Variants in CBFA2T2 observed in about 807,000 individuals in gnomAD.
CBFA2T2 encodes CBFA2/RUNX1 partner transcriptional co-repressor 2, also known as protein CBFA2T2.
In CBFA2T2, 11 loss-of-function variants were observed where a neutral mutation model predicts 62.2. The ratio of observed to expected loss-of-function variants is 0.18; its 90% CI spans 0.11 to 0.29. The LOEUF (loss-of-function observed/expected upper bound fraction) is 0.29, where lower values mean the gene tolerates loss of function less well. Ranked by LOEUF, CBFA2T2 falls within the 10% of genes least tolerant of loss-of-function variation. The pLI, the probability that CBFA2T2 is intolerant of heterozygous loss-of-function variation, is 1.00. For missense variants in CBFA2T2, 592 were observed against 774.1 expected (o/e 0.76, Z 2.79); for synonymous variants, 295 against 287.5 (o/e 1.03, Z -0.27).
Position 33,618,952 on chromosome 20 carries a change from G to C in CBFA2T2, c.421-565G>C, listed in dbSNP as rs777194437. Reference sequence around the variant, plus strand: ...TCTGCAGCCTAGGCTGCTGGGCAAAGGGGAGAATTTGGTGGTGGTGAAGGG... The same window carrying C: ...TCTGCAGCCTAGGCTGCTGGGCAAACGGGAGAATTTGGTGGTGGTGAAGGG... On this transcript the variant is annotated intron_variant, in intron 3 of 10. Coordinates refer to ENST00000342704, the MANE Select transcript of CBFA2T2 (RefSeq NM_001032999.3). Among the ~76,000 whole-genome samples, 57 of 152,226 alleles carry C rather than the reference G, an allele frequency of 3.7e-4. 1 individual carries two copies. The highest frequency in any genetic ancestry group is 7.1e-4 in the Non-Finnish European group (48 of 68,036).
In CBFA2T2 at chr20:33,616,098, T is replaced by C. The variant is rs1568854545; in HGVS notation, c.421-3419T>C. Among the ~76,000 whole-genome samples, 9 of 144,564 alleles carry C rather than the reference T, an allele frequency of 6.2e-5. No homozygotes were observed. The Admixed American group carries it at 7.8e-4, about 13-fold the overall frequency. The allele number at this position is 144,564 out of a possible 152,430, so 94.8% of individuals were successfully genotyped here. ...AGATAGAGATAGATAGATAGATAGA[T>C]AGATAGATAGATAGATAGATAGATA... On this transcript the variant is annotated intron_variant, in intron 3 of 10. Transcript: ENST00000342704.
chr20:33,537,837 A>G (rs2012307656), intron 1 of CBFA2T2, among the ~76,000 whole-genome samples: 1 of 152,126 alleles, frequency 6.6e-6, no homozygotes, highest in Admixed American at 6.5e-5. Flanking sequence ...ACTCTGTTCC[A>G]TTGATATGTT....
chr20:33,492,871 A>C (rs1236192595), intron 1 of CBFA2T2, among the ~76,000 whole-genome samples: 1 of 151,694 alleles, frequency 6.6e-6, no homozygotes, highest in Admixed American at 6.6e-5. Flanking sequence ...TTGGTGTAGT[A>C]CTCAGCCTCC....
chr20:33,525,079 A>G (rs1374449487), intron 1 of CBFA2T2, among the ~76,000 whole-genome samples: 2 of 151,794 alleles, frequency 1.3e-5, no homozygotes, highest in East Asian at 1.9e-4. Flanking sequence ...CAAGTGATCC[A>G]CCTGCCTTGG....
intron 8 of CBFA2T2, among the ~76,000 whole-genome samples, chr20:33,635,942 C>G (rs530193236): frequency 5.3e-5 from 8 of 152,004 alleles, no homozygotes; most frequent in African/African-American, 1.7e-4. Flanking sequence ...TCCATAGGCT[C>G]AATGGTTAAC....
chr20:33,614,559 C>G (rs980806351), intron 3 of CBFA2T2, among the ~76,000 whole-genome samples: 2 of 152,132 alleles, frequency 1.3e-5, no homozygotes, highest in Admixed American at 1.3e-4. Flanking sequence ...CAATAATACC[C>G]CATTCCCCCC....
intron 10 of CBFA2T2, among the ~76,000 whole-genome samples, chr20:33,642,165 G>GAT (rs2016883826): frequency 7.7e-6 from 1 of 129,812 alleles, no homozygotes; most frequent in Non-Finnish European, 1.6e-5. Context: ...TGTGTGTGTG[G>GAT]ATAACAGGGT....
intron 1 of CBFA2T2, among the ~76,000 whole-genome samples, chr20:33,538,264 C>T (rs1346170034): frequency 6.6e-6 from 1 of 152,054 alleles, no homozygotes; most frequent in Admixed American, 6.6e-5. Flanking sequence ...CATTGCTACT[C>T]TATAGACATG....
In CBFA2T2 at chr20:33,558,625, C is replaced by CT. The variant is rs911528973; in HGVS notation, c.35-48322dup. On this transcript the variant is annotated intron_variant, in intron 1 of 10. Transcript: ENST00000342704. Reference sequence around the variant, plus strand: ...AAATTTGCTCAATCGTATTGTTTTACTTTTTTTTTGGGTAAAGCATGATTC... The same window carrying CT: ...AAATTTGCTCAATCGTATTGTTTTACTTTTTTTTTTGGGTAAAGCATGATTC... Among the ~76,000 whole-genome samples, 33 of 151,104 alleles carry CT rather than the reference C, an allele frequency of 2.2e-4. 1 individual carries two copies. In the South Asian group the frequency reaches 3.4e-3, roughly 15 times the overall value.
chr20:33,490,715 C>T (rs2011140524), intron 1 of CBFA2T2, among the ~76,000 whole-genome samples: 1 of 152,202 alleles, frequency 6.6e-6, no homozygotes, highest in African/African-American at 2.4e-5. Flanking sequence ...CCTGTTTGAG[C>T]GCAGGCTCAG....
intron 1 of CBFA2T2, among the ~76,000 whole-genome samples, chr20:33,535,661 TTTTATTTTA>T (rs1182092219): frequency 4.7e-5 from 7 of 149,874 alleles, no homozygotes; most frequent in African/African-American, 1.5e-4. Flanking sequence ...ATTTATTTTA[TTTTATTTTA>T]TTTATTTATT....
intron 1 of CBFA2T2, among the ~76,000 whole-genome samples, chr20:33,556,865 A>G (rs1052468563): frequency 6.6e-6 from 1 of 151,968 alleles, no homozygotes; most frequent in Non-Finnish European, 1.5e-5. Context: ...ATCCATTACT[A>G]TCATTATTTA....
chr20:33,523,303 A>G (rs991778576), intron 1 of CBFA2T2, among the ~76,000 whole-genome samples: 1 of 151,870 alleles, frequency 6.6e-6, no homozygotes, highest in Non-Finnish European at 1.5e-5. Context: ...ATATTTTGAG[A>G]CAGTCTTGCT....
chr20:33,501,296 A>G (rs2011275311), intron 1 of CBFA2T2, among the ~76,000 whole-genome samples: 1 of 152,210 alleles, frequency 6.6e-6, no homozygotes, highest in Non-Finnish European at 1.5e-5. Context: ...CTCTCTTACA[A>G]ATGTTTCCCT....
intron 1 of CBFA2T2, among the ~76,000 whole-genome samples, chr20:33,565,556 T>C (rs952182191): frequency 1.3e-5 from 2 of 152,206 alleles, no homozygotes; most frequent in African/African-American, 2.4e-5. Flanking sequence ...AGAAAAAATA[T>C]GCATTTTAGG....
chr20:33,622,335 A>G (rs564819613), intron 4 of CBFA2T2, among the ~76,000 whole-genome samples: 3 of 152,102 alleles, frequency 2.0e-5, no homozygotes, highest in Non-Finnish European at 4.4e-5. Flanking sequence ...CTCTCCTTTC[A>G]CTTGCTCATC....
At chr20:33,611,502 GTTTCT>G (rs554197924) in intron 3 of CBFA2T2, among the ~76,000 whole-genome samples, 167 bp downstream of exon 3, 13 of 152,018 alleles carry the variant, frequency 8.6e-5, no homozygotes, top group African/African-American at 1.7e-4. Flanking sequence ...TTAAATGTAG[GTTTCT>G]TTTCTTTTCT....
intron 1 of CBFA2T2, among the ~76,000 whole-genome samples, chr20:33,590,336 T>C (rs930411840): frequency 6.6e-6 from 1 of 151,276 alleles, no homozygotes; most frequent in Admixed American, 6.6e-5. Flanking sequence ...AACCCTAAGG[T>C]AATTTTTTTT....
At chr20:33,606,931 C>T (rs759575022) in intron 1 of CBFA2T2, 25 bp from the exon 2 acceptor site, 9 of 1,606,834 alleles carry the variant, frequency 5.6e-6, no homozygotes, top group Non-Finnish European at 7.7e-6. Flanking sequence ...AAAACCCTAA[C>T]CTCCATTTCT....
Sources: allele counts gnomAD v4.1 joint callset (sites outside exome capture counted in the v4.1 genomes callset), GRCh38; gene constraint gnomAD v4.1.1; transcripts MANE v1.5; gene names NCBI Gene and HGNC (gene_info 2026-07-23, HGNC 2026-07-21).